The following DAGLA variants were observed in gnomAD, a reference collection of about 807,000 sequenced individuals.
DAGLA encodes diacylglycerol lipase alpha.
A neutral mutation model predicts 102.6 loss-of-function variants in DAGLA; 22 were observed. That is an observed-to-expected ratio of 0.21 (90% CI 0.15 to 0.31). The LOEUF (loss-of-function observed/expected upper bound fraction) is 0.31. DAGLA is among the 10% of genes least tolerant of loss of function. DAGLA has a pLI of 1.00. For missense variants in DAGLA, 927 were observed against 1,446.6 expected, an observed-to-expected ratio of 0.64 and a Z score of 5.83; for synonymous variants, 578 against 628.9, an observed-to-expected ratio of 0.92 and a Z score of 1.21.
In DAGLA at chr11:61,743,870, G is replaced by A. The variant is rs768270440; in HGVS notation, c.2510G>A (p.Arg837His). ...GAGGAAAACCCATCCCTGAGCTCGC[G>A]CACTGAGCTGCTGGCGGCCGACAGC... ...IPEENPSLSSRTELLAADSLS... is the reference protein window; with the variant it reads ...IPEENPSLSSHTELLAADSLS... The change falls in exon 20 of 20, where the codon CGC becomes CAC. Residue 837 changes from arginine to histidine, a missense_variant. Physicochemically the swap from Arg to His is conservative, Grantham distance 29. Coordinates refer to ENST00000257215, the MANE Select transcript of DAGLA (RefSeq NM_006133.3). The A allele has an allele frequency of 6.2e-6, 10 of 1,612,322 alleles. No homozygotes were observed. The highest frequency in any genetic ancestry group is 8.5e-6 in the Non-Finnish European group (10 of 1,179,916).
Position 61,728,200 on chromosome 11 carries a change from C to T in DAGLA, c.684C>T (p.Asp228=). 6.2e-7 allele frequency: 1 copy of T among 1,614,152 alleles called. No individual in the cohort carries two copies. Among genetic ancestry groups the T allele is most frequent in the South Asian group, 1.1e-5 (1 of 91,086 alleles). Residue 228 remains aspartate, a synonymous_variant, in exon 7 of 20, where the codon GAC becomes GAT. Transcript: ENST00000257215. ...IAYLFAEFFR[D]LDIVPSDIIA... ...ACCTCTTTGCGGAGTTCTTCCGGGA[C>T]CTTGACATTGTGCCATCCGACATCA...
intron 1 of DAGLA, among the ~76,000 whole-genome samples, chr11:61,714,843 C>T (rs1005771344): frequency 2.6e-5 from 4 of 152,202 alleles, no homozygotes; most frequent in Admixed American, 6.5e-5. Flanking sequence ...CCTGCGCCTC[C>T]TGCCTGCCTG....
At chr11:61,697,742 A>G (rs2065078511) in intron 1 of DAGLA, among the ~76,000 whole-genome samples, 2 of 151,932 alleles carry the variant, frequency 1.3e-5, no homozygotes, top group Admixed American at 1.3e-4. Context: ...GTGCCGTGGT[A>G]CAATCATAGC....
intron 18 of DAGLA, among the ~76,000 whole-genome samples, chr11:61,740,899 C>T (rs759865103): frequency 5.9e-5 from 9 of 152,180 alleles, no homozygotes; most frequent in East Asian, 1.9e-4. Flanking sequence ...GGGCAAGCAG[C>T]GACAGCCACA....
intron 1 of DAGLA, among the ~76,000 whole-genome samples, chr11:61,717,110 C>CA (rs2065240890): frequency 6.6e-6 from 1 of 152,092 alleles, no homozygotes; most frequent in Admixed American, 6.5e-5. Flanking sequence ...CCCTATGCCC[C>CA]AGGGGAGGAG....
chr11:61,737,355 G>A (rs2065432146), intron 14 of DAGLA, 31 bp downstream of exon 14: 1 of 1,606,400 alleles, frequency 6.2e-7, no homozygotes, highest in Non-Finnish European at 8.5e-7. Flanking sequence ...GAGTTGGCTG[G>A]GGCAGTTGGG....
chr11:61,721,005 C>A, intron 3 of DAGLA, 115 bp downstream of exon 3: 1 of 972,048 alleles, frequency 1.0e-6, no homozygotes, highest in Non-Finnish European at 1.5e-6. Context: ...CACTGGGGTA[C>A]AGCAGTGAAC....
intron 1 of DAGLA, among the ~76,000 whole-genome samples, chr11:61,716,486 G>C (rs928894362): frequency 7.9e-5 from 12 of 152,084 alleles, no homozygotes; most frequent in Non-Finnish European, 1.3e-4. Context: ...CATGTTTGGG[G>C]TGTCGAGAAA....
intron 1 of DAGLA, among the ~76,000 whole-genome samples, chr11:61,690,936 C>T (rs183272961): frequency 5.9e-5 from 9 of 152,328 alleles, no homozygotes; most frequent in African/African-American, 2.2e-4. Flanking sequence ...CGACCTTCAC[C>T]GACCCTGTAC....
At chr11:61,740,701 G>C (rs1296663209) in intron 18 of DAGLA, 109 bp downstream of exon 18, 2 of 1,446,852 alleles carry the variant, frequency 1.4e-6, no homozygotes, top group Non-Finnish European at 1.9e-6. Flanking sequence ...AAGGGTGCTG[G>C]GGCTCAGAGA....
rs2065345879 is a variant in DAGLA at position 61,728,191 on chromosome 11, C to A, written c.675C>A (p.Phe225Leu). 6.2e-7 allele frequency: 1 copy of A among 1,614,076 alleles called. No individual in the cohort carries two copies. Among genetic ancestry groups the A allele is most frequent in the African/African-American group, 1.3e-5 (1 of 74,946 alleles). Residue 225 changes from phenylalanine to leucine, a missense_variant, in exon 7 of 20, where the codon TTC becomes TTA. Phe to Leu is a conservative substitution (Grantham distance 22). Transcript: ENST00000257215. Reference protein sequence around the residue: ...YSEIAYLFAEFFRDLDIVPSD... With the variant: ...YSEIAYLFAELFRDLDIVPSD... ...AAATCGCCTACCTCTTTGCGGAGTT[C>A]TTCCGGGACCTTGACATTGTGCCAT...
Position 61,743,560 on chromosome 11 carries a change from G to A in DAGLA, c.2200G>A (p.Glu734Lys). 1 of 1,544,702 alleles carries A rather than the reference G, an allele frequency of 6.5e-7. No individual in the cohort carries two copies. The highest frequency in any genetic ancestry group is 8.7e-7 in the Non-Finnish European group (1 of 1,152,038). ...CAAGTCCCAGTCTGAGATGAGCCTG[G>A]AGGGCTTCTCGGAGGGGCGGCTGCT... ...RSKSQSEMSL[E>K]GFSEGRLLSP... Residue 734 changes from glutamate to lysine, a missense_variant, in exon 20 of 20, where the codon GAG becomes AAG. Glu to Lys is a moderately conservative substitution (Grantham distance 56). Coordinates refer to ENST00000257215, the MANE Select transcript of DAGLA (RefSeq NM_006133.3).
chr11:61,705,149 G>C (rs150968303), intron 1 of DAGLA, among the ~76,000 whole-genome samples: 1 of 152,192 alleles, frequency 6.6e-6, no homozygotes, highest in Non-Finnish European at 1.5e-5. Context: ...TTCTCAAGGC[G>C]TTCCTCTGGG....
At chr11:61,713,456 T>C (rs996492150) in intron 1 of DAGLA, among the ~76,000 whole-genome samples, 2 of 152,154 alleles carry the variant, frequency 1.3e-5, no homozygotes, top group African/African-American at 4.8e-5. Flanking sequence ...TCATAAATGT[T>C]AGGAGAACCG....
At chr11:61,703,876 C>A (rs1249746584) in intron 1 of DAGLA, among the ~76,000 whole-genome samples, 1 of 152,176 alleles carries the variant, frequency 6.6e-6, no homozygotes, top group Non-Finnish European at 1.5e-5. Context: ...GAATGAAGAT[C>A]CAAAGATCCA....
intron 15 of DAGLA, 66 bp downstream of exon 15, chr11:61,737,821 C>T (rs2065437839): frequency 7.4e-7 from 1 of 1,352,738 alleles, no homozygotes; most frequent in Non-Finnish European, 1.1e-6. Flanking sequence ...GGCCTCTCCC[C>T]ACCCCCAGCC....
At chr11:61,724,914 C>T (rs1412404755) in intron 5 of DAGLA, among the ~76,000 whole-genome samples, 3 of 152,158 alleles carry the variant, frequency 2.0e-5, no homozygotes, top group Non-Finnish European at 4.4e-5. Context: ...TACCTGCCTC[C>T]CGTAGCCCTG....
chr11:61,728,412 C>T, intron 7 of DAGLA, 125 bp downstream of exon 7: 1 of 1,235,232 alleles, frequency 8.1e-7, no homozygotes, highest in East Asian at 2.4e-5. Flanking sequence ...CACGCACTCT[C>T]TTGGACCCTG....
intron 1 of DAGLA, among the ~76,000 whole-genome samples, chr11:61,712,596 G>A (rs545825856): frequency 2.2e-4 from 33 of 152,304 alleles, no homozygotes; most frequent in African/African-American, 6.3e-4. Context: ...CTGCTCTAGC[G>A]CAGCTGATGT....
Sources: gnomAD v4.1 joint callset for allele counts (sites outside exome capture counted in the v4.1 genomes callset) on GRCh38, gnomAD v4.1.1 for gene constraint, MANE v1.5 for transcripts, NCBI Gene and HGNC (gene_info 2026-07-23, HGNC 2026-07-21) for gene names.